The following ADGRB3 variants were observed in gnomAD, a reference collection of about 807,000 sequenced individuals.
ADGRB3 encodes the protein adhesion G protein-coupled receptor B3, also known as brain-specific angiogenesis inhibitor 3.
ADGRB3 carries 37 observed loss-of-function variants against 193.4 expected under a neutral mutation model. That is an observed-to-expected ratio of 0.19 (90% CI 0.15 to 0.25). ADGRB3 has a LOEUF of 0.25. Among genes scored for constraint, ADGRB3 ranks in the 10% least tolerant of loss-of-function variants. The probability of loss-of-function intolerance (pLI) is 1.00; values close to 1 mark genes in which losing one functional copy is unlikely to be tolerated. For missense variants in ADGRB3, 1,637 were observed against 1,852.9 expected (o/e 0.88, Z 2.14); for synonymous variants, 690 against 644.2 (o/e 1.07, Z -1.08).
intron 17 of ADGRB3, among the ~76,000 whole-genome samples, chr6:69,204,228 T>G (rs932040494): frequency 2.6e-5 from 4 of 152,178 alleles, no homozygotes; most frequent in African/African-American, 9.6e-5. Context: ...AAAATGTTTT[T>G]CTCTTTCCAT....
At chr6:68,850,098 A>G (rs1363747193) in intron 3 of ADGRB3, among the ~76,000 whole-genome samples, 1 of 151,710 alleles carries the variant, frequency 6.6e-6, no homozygotes. Flanking sequence ...TGTTTAAAAC[A>G]TTCACATTTT....
At chr6:68,920,634 T>G (rs1582315951) in intron 3 of ADGRB3, among the ~76,000 whole-genome samples, 1 of 151,402 alleles carries the variant, frequency 6.6e-6, no homozygotes, top group Non-Finnish European at 1.5e-5. Flanking sequence ...ATCTTCAAAG[T>G]TTAATGAGAA....
intron 17 of ADGRB3, among the ~76,000 whole-genome samples, chr6:69,147,817 G>T (rs1467855905): frequency 1.3e-5 from 2 of 152,072 alleles, no homozygotes; most frequent in East Asian, 3.8e-4. Flanking sequence ...TATATATATG[G>T]TGATCCAGTG....
At chr6:68,915,819 G>T (rs1766863870) in intron 3 of ADGRB3, among the ~76,000 whole-genome samples, 1 of 152,024 alleles carries the variant, frequency 6.6e-6, no homozygotes, top group Admixed American at 6.5e-5. Flanking sequence ...ATACCGCACA[G>T]GTGTATGGTG....
At chr6:69,340,664 G>A (rs991533797) in intron 26 of ADGRB3, among the ~76,000 whole-genome samples, 3 of 151,944 alleles carry the variant, frequency 2.0e-5, no homozygotes, top group Non-Finnish European at 4.4e-5. Flanking sequence ...TGTGCAGAAC[G>A]TGCAGGTTTG....
chr6:68,879,013 C>T (rs908692533), intron 3 of ADGRB3, among the ~76,000 whole-genome samples: 2 of 152,058 alleles, frequency 1.3e-5, no homozygotes, highest in African/African-American at 4.8e-5. Context: ...CTCTCTTTCA[C>T]AGTGCATGGG....
chr6:69,280,014 T>C (rs1767401262), intron 20 of ADGRB3, among the ~76,000 whole-genome samples: 1 of 152,186 alleles, frequency 6.6e-6, no homozygotes, highest in Non-Finnish European at 1.5e-5. Flanking sequence ...TCTGCGCTCC[T>C]GTTTTCTGGC....
intron 17 of ADGRB3, among the ~76,000 whole-genome samples, chr6:69,104,401 G>C (rs1582463857): frequency 6.6e-6 from 1 of 151,816 alleles, no homozygotes; most frequent in African/African-American, 2.4e-5. Context: ...ATTCCATGGT[G>C]TATATGTGCC....
chr6:69,301,749 C>T (rs1248194683), intron 20 of ADGRB3, among the ~76,000 whole-genome samples: 7 of 151,882 alleles, frequency 4.6e-5, no homozygotes, highest in African/African-American at 1.4e-4. Context: ...AAGAAAATAA[C>T]TCATGAAACT....
chr6:68,670,039 GT>G (rs1406247126), intron 3 of ADGRB3, among the ~76,000 whole-genome samples: 3 of 151,878 alleles, frequency 2.0e-5, no homozygotes, highest in Non-Finnish European at 2.9e-5. Flanking sequence ...GCACATTTTA[GT>G]ATGTCTGTTT....
At chr6:69,338,895 G>T (rs746460610) in intron 24 of ADGRB3, 21 bp from the exon 25 acceptor site, 16 of 1,600,534 alleles carry the variant, frequency 1.0e-5, no homozygotes, top group African/African-American at 1.3e-5. Flanking sequence ...TTCTTTTTGT[G>T]GGTGTTCTGT....
chr6:68,713,396 G>T (rs1765437002), intron 3 of ADGRB3, among the ~76,000 whole-genome samples: 1 of 151,502 alleles, frequency 6.6e-6, no homozygotes, highest in African/African-American at 2.4e-5. Flanking sequence ...TTAATTCTTA[G>T]GCATAGTTTA....
intron 3 of ADGRB3, among the ~76,000 whole-genome samples, chr6:68,922,485 T>C (rs181129847): frequency 1.3e-5 from 2 of 152,344 alleles, no homozygotes; most frequent in South Asian, 2.1e-4. Context: ...ACAACTCTTA[T>C]GTTACTCAGA....
intron 17 of ADGRB3, among the ~76,000 whole-genome samples, chr6:69,202,096 A>T (rs971200665): frequency 1.3e-5 from 2 of 152,162 alleles, no homozygotes; most frequent in Admixed American, 1.3e-4. Flanking sequence ...CAGAACCAGA[A>T]GTTGAAGTCA....
intron 17 of ADGRB3, among the ~76,000 whole-genome samples, chr6:69,170,842 T>C (rs898617547): frequency 1.3e-5 from 2 of 152,080 alleles, no homozygotes; most frequent in Admixed American, 1.3e-4. Flanking sequence ...TGGCACATAG[T>C]TCAATTTTGC....
rs115968624 is a variant in ADGRB3 at position 68,809,197 on chromosome 6, C to T, written c.758-121362C>T. On this transcript the variant is annotated intron_variant, in intron 3 of 31. Transcript: ENST00000370598. ...ATTGGAAAGCAAAACCTGCAGAGGA[C>T]GTACTCACTCTGTTCTGTTCACTGC... Among the ~76,000 whole-genome samples, 358 of 152,210 alleles carry T rather than the reference C, an allele frequency of 2.4e-3. 1 individual carries two copies. Among genetic ancestry groups the T allele is most frequent in the African/African-American group, 8.1e-3 (338 of 41,542 alleles).
chr6:69,122,187 G>A (rs1187534176), intron 17 of ADGRB3, among the ~76,000 whole-genome samples: 9 of 152,056 alleles, frequency 5.9e-5, no homozygotes, highest in South Asian at 4.2e-4. Context: ...GCGAGACTCC[G>A]TCTGCAATCC....
intron 20 of ADGRB3, among the ~76,000 whole-genome samples, chr6:69,283,039 A>T (rs1187965183): frequency 6.6e-6 from 1 of 152,148 alleles, no homozygotes; most frequent in Non-Finnish European, 1.5e-5. Flanking sequence ...CAAAGGTGCA[A>T]AGGAAAAAAC....
intron 3 of ADGRB3, among the ~76,000 whole-genome samples, chr6:68,842,063 G>C (rs775190555): frequency 1.3e-5 from 2 of 151,760 alleles, no homozygotes. Context: ...TGAGGAAGTG[G>C]ATACCCTATT....
Sources: allele counts gnomAD v4.1 joint callset (sites outside exome capture counted in the v4.1 genomes callset), GRCh38; gene constraint gnomAD v4.1.1; transcripts MANE v1.5; gene names NCBI Gene and HGNC (gene_info 2026-07-23, HGNC 2026-07-21).